Variants in MTUS2 observed in about 807,000 individuals in gnomAD.
The protein encoded by MTUS2 is microtubule-associated tumor suppressor candidate 2.
Under a neutral mutation model 114.1 loss-of-function variants are expected in MTUS2, and 40 were observed. The observed-to-expected ratio is 0.35, with a 90% CI of 0.27 to 0.46. The LOEUF is 0.46. Among genes scored for constraint, MTUS2 ranks in the 20% least tolerant of loss-of-function variants. The pLI is 1.00. For missense variants in MTUS2, 1,679 were observed against 1,705.4 expected, an observed-to-expected ratio of 0.98 and a Z score of 0.27; for synonymous variants, 688 against 672.0, an observed-to-expected ratio of 1.02 and a Z score of -0.37.
At chr13:29,131,855 C>G (rs1481228027) in intron 5 of MTUS2, among the ~76,000 whole-genome samples, 1 of 152,266 alleles carries the variant, frequency 6.6e-6, no homozygotes, top group East Asian at 1.9e-4. Flanking sequence ...ATCCCTAATT[C>G]TACCATCCAG....
intron 8 of MTUS2, among the ~76,000 whole-genome samples, chr13:29,388,648 T>A (rs1472615936): frequency 6.6e-6 from 1 of 151,882 alleles, no homozygotes; most frequent in African/African-American, 2.4e-5. Flanking sequence ...AATAAAAAAA[T>A]AATTAAGTCA....
At chr13:29,199,686 A>G (rs1286656581) in intron 5 of MTUS2, among the ~76,000 whole-genome samples, 1 of 152,010 alleles carries the variant, frequency 6.6e-6, no homozygotes, top group Non-Finnish European at 1.5e-5. Flanking sequence ...TTTTGGTATC[A>G]GGATGATGCT....
intron 4 of MTUS2, among the ~76,000 whole-genome samples, chr13:29,041,601 T>G (rs1171419147): frequency 6.6e-6 from 1 of 152,196 alleles, no homozygotes; most frequent in African/African-American, 2.4e-5. Context: ...CATTTGTTTG[T>G]GTCATCTGTG....
At chr13:29,034,236 C>G in intron 4 of MTUS2, 111 bp downstream of exon 4, 1 of 1,417,788 alleles carries the variant, frequency 7.1e-7, no homozygotes, top group Non-Finnish European at 9.7e-7. Flanking sequence ...TAAGGAGAGC[C>G]TTTTTCTGTT....
intron 2 of MTUS2, among the ~76,000 whole-genome samples, chr13:28,995,131 T>G (rs1006198523): frequency 2.0e-5 from 3 of 152,250 alleles, no homozygotes; most frequent in African/African-American, 7.2e-5. Context: ...CTAGCCAGTC[T>G]TCCCAGCACC....
intron 6 of MTUS2, among the ~76,000 whole-genome samples, chr13:29,312,061 C>G (rs1190914948): frequency 6.6e-6 from 1 of 152,180 alleles, no homozygotes; most frequent in African/African-American, 2.4e-5. Context: ...CCCTCCAACC[C>G]CACTGCTCTG....
intron 7 of MTUS2, among the ~76,000 whole-genome samples, chr13:29,340,826 A>T (rs1901356756): frequency 6.6e-6 from 1 of 152,216 alleles, no homozygotes; most frequent in Middle Eastern, 3.4e-3. Flanking sequence ...CAAGTCCCCA[A>T]AGTGCATTGA....
chr13:29,440,950 G>T (rs1276282006), intron 9 of MTUS2, among the ~76,000 whole-genome samples: 1 of 152,174 alleles, frequency 6.6e-6, no homozygotes, highest in Non-Finnish European at 1.5e-5. Flanking sequence ...TCCAAGCATA[G>T]CTTTCCCCAA....
chr13:28,822,099 T>C (rs1424825650), intron 1 of MTUS2, among the ~76,000 whole-genome samples: 1 of 152,256 alleles, frequency 6.6e-6, no homozygotes, highest in African/African-American at 2.4e-5. Flanking sequence ...TAAAAACTTT[T>C]ACTATAAACT....
chr13:29,296,197 TTTTG>T (rs59082438), intron 6 of MTUS2, among the ~76,000 whole-genome samples: 78,658 of 148,760 alleles, frequency 0.53, 21,442 homozygotes, highest in East Asian at 0.81. Context: ...ATTTTTAGGT[TTTTG>T]TTTGTTTGTT....
At chr13:29,348,636 C>T (rs1868951561) in intron 7 of MTUS2, among the ~76,000 whole-genome samples, 1 of 152,192 alleles carries the variant, frequency 6.6e-6, no homozygotes, top group African/African-American at 2.4e-5. Flanking sequence ...CATGTCCTAC[C>T]AGTAGCTGAG....
At chr13:29,309,059 G>A (rs937602415) in intron 6 of MTUS2, among the ~76,000 whole-genome samples, 68 of 152,146 alleles carry the variant, frequency 4.5e-4, no homozygotes, top group African/African-American at 1.6e-3. Flanking sequence ...CATTTGACCC[G>A]GCAATCCCAT....
At chr13:28,890,697 A>T (rs1041209965) in intron 2 of MTUS2, among the ~76,000 whole-genome samples, 2 of 152,186 alleles carry the variant, frequency 1.3e-5, no homozygotes, top group Admixed American at 1.3e-4. Context: ...TATTAGTGGG[A>T]TATTTTTATG....
At chr13:29,190,929 C>G (rs1894421323) in intron 5 of MTUS2, among the ~76,000 whole-genome samples, 1 of 152,070 alleles carries the variant, frequency 6.6e-6, no homozygotes, top group Non-Finnish European at 1.5e-5. Context: ...AGTGATTTAC[C>G]CTGAGAAGAT....
intron 4 of MTUS2, among the ~76,000 whole-genome samples, chr13:29,063,670 A>C (rs1888525031): frequency 6.6e-6 from 1 of 152,220 alleles, no homozygotes; most frequent in Non-Finnish European, 1.5e-5. Context: ...AAAAATCTTA[A>C]AGAGCAGGTA....
At chr13:29,127,035 G>A (rs747706839) in intron 5 of MTUS2, among the ~76,000 whole-genome samples, 2 of 152,178 alleles carry the variant, frequency 1.3e-5, no homozygotes, top group Non-Finnish European at 2.9e-5. Context: ...CTCTCCGTCT[G>A]GGCTCCTGGG....
intron 2 of MTUS2, among the ~76,000 whole-genome samples, chr13:29,016,172 G>C (rs1482879796): frequency 6.6e-6 from 1 of 152,004 alleles, no homozygotes; most frequent in East Asian, 1.9e-4. Context: ...CAAGATGCAG[G>C]GATTACAGGT....
At chr13:29,428,986 C>T in intron 8 of MTUS2, 1 of 1,303,646 alleles carries the variant, frequency 7.7e-7, no homozygotes. Flanking sequence ...GCCTGTCCCC[C>T]TAGCATGCGT....
intron 8 of MTUS2, among the ~76,000 whole-genome samples, chr13:29,419,174 CTCCTCATGG>C (rs1327970167): frequency 2.0e-5 from 3 of 152,190 alleles, no homozygotes; most frequent in Non-Finnish European, 4.4e-5. Context: ...TGTCATGCCC[CTCCTCATGG>C]GTCATACATT....
Sources: allele counts gnomAD v4.1 joint callset (sites outside exome capture counted in the v4.1 genomes callset), GRCh38; gene constraint gnomAD v4.1.1; transcripts MANE v1.5; gene names NCBI Gene and HGNC (gene_info 2026-07-23, HGNC 2026-07-21).